APBB1: variants seen among roughly 807,000 people sequenced by gnomAD.
The protein encoded by APBB1 is adaptor protein FE65a2.
In APBB1, 22 loss-of-function variants were observed where a neutral mutation model predicts 78.4. The observed-to-expected ratio is 0.28, with a 90% CI of 0.20 to 0.40. APBB1 has a LOEUF of 0.40. Ranked by LOEUF, APBB1 falls within the 10% of genes least tolerant of loss-of-function variation. The pLI, the probability that APBB1 is intolerant of heterozygous loss-of-function variation, is 1.00. For missense variants in APBB1, 749 were observed against 932.4 expected, an observed-to-expected ratio of 0.80 and a Z score of 2.56; for synonymous variants, 369 against 372.7, an observed-to-expected ratio of 0.99 and a Z score of 0.12.
Position 6,411,398 on chromosome 11 carries a change from G to A in APBB1, c.-14-37C>T, listed in dbSNP as rs775577048. On this transcript the variant is annotated intron_variant, in intron 1 of 14. Transcript: ENST00000609360. This position sits in a 1 kb window ranked among gnomAD's most constrained non-coding sequence, Gnocchi z 5.2. ...GGAGGGGAGATGCTGTTGAGCCTCT[G>A]GTCCAGAACAGCAGCATCACTGCTT... 22 of 1,496,428 alleles carry A rather than the reference G, an allele frequency of 1.5e-5. 1 individual carries two copies. The South Asian group carries it at 2.8e-4, about 19-fold the overall frequency. 92.7% of individuals were successfully genotyped at this position (1,496,428 alleles called of 1,614,324 possible). A position where few individuals can be genotyped will look rare whatever the true frequency, so the allele number is the denominator to read the frequency against.
Position 6,401,626 on chromosome 11 carries a change from C to T in APBB1, c.1451G>A (p.Cys484Tyr). Residue 484 changes from cysteine (C) to tyrosine (Y), a missense_variant, in exon 10 of 15, where the codon TGT becomes TAT. Cys to Tyr is a radical substitution (Grantham distance 194, BLOSUM62 -2). Coordinates refer to ENST00000609360, the MANE Select transcript of APBB1 (RefSeq NM_001164.5). This position sits in a 1 kb window ranked among gnomAD's most constrained non-coding sequence, Gnocchi z 4.5. Reference protein sequence around the residue: ...TQMLKCHVFRCEAPAKNIATS... With the variant: ...TQMLKCHVFRYEAPAKNIATS... ...GGCGATGTTCTTGGCAGGTGCCTCA[C>T]AGCGAAACACGTGGCACTTGAGCAT... 1.2e-6 allele frequency: 2 copies of T among 1,614,218 alleles called. No individual in the cohort carries two copies. The highest frequency in any genetic ancestry group is 1.7e-6 in the Non-Finnish European group (2 of 1,180,048).
At chr11:6,404,677 C>A (rs1250648602) in intron 2 of APBB1, 13 of 1,535,974 alleles carry the variant, frequency 8.5e-6, no homozygotes, top group South Asian at 1.2e-5. Context: ...CCCGCTCATG[C>A]GTCCTCTAAC....
rs756820184 is a variant in APBB1 at position 6,411,021 on chromosome 11, G to A, written c.327C>T (p.Gly109=). 2 of 1,614,142 alleles carry A rather than the reference G, an allele frequency of 1.2e-6. No individual in the cohort carries two copies. The highest frequency in any genetic ancestry group is 1.7e-6 in the Non-Finnish European group (2 of 1,180,040). ...AGTACAGGTGTATCAGGCCTTTGGG[G>A]CCCAAGGGTGCCATCTCAGGCTCCT... ...ASQEPEMAPL[G]PKGLIHLYSE... is the part of the protein sequence containing the mutation. The change falls in exon 2 of 15, where the codon GGC becomes GGT. Residue 109 remains glycine (G), a synonymous_variant. Coordinates refer to ENST00000609360, the MANE Select transcript of APBB1 (RefSeq NM_001164.5). This position sits in a 1 kb window ranked among gnomAD's most constrained non-coding sequence, Gnocchi z 5.2.
rs115799871 is a variant in APBB1 at position 6,410,004 on chromosome 11, T to C, written c.721+623A>G. Among the ~76,000 whole-genome samples the C allele has an allele frequency of 6.5e-3, 980 of 151,056 alleles. 12 individuals are homozygous for C. The highest frequency in any genetic ancestry group is 0.023 in the African/African-American group (926 of 41,130). ...CCCAGTCTTTCCAAACAGACCTCTG[T>C]GGGGAGCTGCTGGCTGCTCCCAACA... On this transcript the variant is annotated intron_variant, in intron 2 of 14. Coordinates refer to ENST00000609360, the MANE Select transcript of APBB1 (RefSeq NM_001164.5).
chr11:6,414,201 A>G (rs1258596539), intron 1 of APBB1, among the ~76,000 whole-genome samples: 4 of 151,898 alleles, frequency 2.6e-5, no homozygotes, highest in Admixed American at 6.6e-5. Flanking sequence ...CATGTCGCAC[A>G]CTCTTAAAGC....
chr11:6,415,462 A>T (rs1849096017), intron 1 of APBB1, among the ~76,000 whole-genome samples: 1 of 152,220 alleles, frequency 6.6e-6, no homozygotes, highest in Admixed American at 6.5e-5. Context: ...ACTTGTTACA[A>T]TGCAGTGTAA....
Position 6,401,666 on chromosome 11 carries a change from C to T in APBB1, c.1411G>A (p.Asp471Asn), listed in dbSNP as rs1194048316. ...CACTTGAGCATCTGGGTCAGCTTAT[C>T]ACGAGCTACGTAGGCAAAGTCCCTG... ...RERDFAYVAR[D>N]KLTQMLKCHV... is the part of the protein sequence containing the mutation. Residue 471 changes from aspartate to asparagine, a missense_variant, in exon 10 of 15, where the codon GAT becomes AAT. Physicochemically the swap from Asp to Asn is conservative, Grantham distance 23. Coordinates refer to ENST00000609360, the MANE Select transcript of APBB1 (RefSeq NM_001164.5). The surrounding 1 kb of genome is among the most constrained non-coding windows in gnomAD (Gnocchi z 4.5). 3 of 1,614,054 alleles carry T rather than the reference C, an allele frequency of 1.9e-6. No individual in the cohort carries two copies.
At chr11:6,413,587 G>C (rs957355049) in intron 1 of APBB1, among the ~76,000 whole-genome samples, 3 of 151,950 alleles carry the variant, frequency 2.0e-5, no homozygotes, top group East Asian at 1.9e-4. Flanking sequence ...TGAGTAGCTG[G>C]GATTATAGGT....
rs1441731731 is a variant in APBB1 at position 6,397,547 on chromosome 11, AG to A, written c.1673-1333del. ...CCTTGAGAGACACAGACTGCAACTG[AG>A]GGAAAAGCCTCTGTCTTGAGTGCCC... On this transcript the variant is annotated intron_variant, in intron 12 of 14. Transcript: ENST00000609360. Among the ~76,000 whole-genome samples the A allele has an allele frequency of 2.6e-5, 4 of 152,338 alleles. No homozygotes were observed. In the East Asian group the frequency reaches 7.7e-4, roughly 29 times the overall value.
In APBB1 at chr11:6,401,894, G is replaced by A; in HGVS notation, c.1388+83C>T. 1 of 1,538,316 alleles carries A rather than the reference G, an allele frequency of 6.5e-7. No individual in the cohort carries two copies. Among genetic ancestry groups the A allele is most frequent in the Non-Finnish European group, 8.8e-7 (1 of 1,139,680 alleles). On this transcript the variant is annotated intron_variant, in intron 9 of 14. Coordinates refer to ENST00000609360, the MANE Select transcript of APBB1 (RefSeq NM_001164.5). This position sits in a 1 kb window ranked among gnomAD's most constrained non-coding sequence, Gnocchi z 4.5. ...GGGTAATGGTGGAGCATAGCGGGTG[G>A]GAAGGGGCAGGGCAGAAGAGGGGAG...
chr11:6,415,245 G>T lies in APBB1; in HGVS notation c.-15+3740C>A, dbSNP rs925562834. 4.6e-5 allele frequency among the ~76,000 whole-genome samples: 7 copies of T among 152,244 alleles called. No individual in the cohort carries two copies. In the South Asian group the frequency reaches 1.0e-3, roughly 23 times the overall value. On this transcript the variant is annotated intron_variant, in intron 1 of 14. Transcript: ENST00000609360. ...TTGGGCAGGGGCCTCGGGGCAGGAA[G>T]TGAAAGAAGTAGTCACTAAGCCTGA... is the stretch of plus-strand genomic sequence containing the variant.
At chr11:6,398,779 C>T (rs181937373) in intron 12 of APBB1, among the ~76,000 whole-genome samples, 54 of 152,334 alleles carry the variant, frequency 3.5e-4, no homozygotes, top group Admixed American at 1.3e-3. Context: ...TTCAAAACCT[C>T]AGTTCAATCC....
chr11:6,416,844 C>T lies in APBB1; in HGVS notation c.-15+2141G>A, dbSNP rs183670218. On this transcript the variant is annotated intron_variant, in intron 1 of 14. Coordinates refer to ENST00000609360, the MANE Select transcript of APBB1 (RefSeq NM_001164.5). The stretch of plus-strand genomic sequence containing the variant: ...GCAACCTCTGCCTCCCGGGTTCAAG[C>T]GATTCTTCTGCCTCAGCCTCCTGAG... Among the ~76,000 whole-genome samples the T allele has an allele frequency of 9.1e-4, 139 of 151,990 alleles. 2 individuals carry two copies. The East Asian group carries it at 0.021, about 23-fold the overall frequency.
chr11:6,409,016 T>C (rs1346080570), intron 2 of APBB1, among the ~76,000 whole-genome samples: 1 of 152,100 alleles, frequency 6.6e-6, no homozygotes, highest in Non-Finnish European at 1.5e-5. Flanking sequence ...ACAATAATGA[T>C]ATTGTGGTGG....
chr11:6,413,890 C>T (rs1327471662), intron 1 of APBB1, among the ~76,000 whole-genome samples: 2 of 152,174 alleles, frequency 1.3e-5, no homozygotes, highest in Admixed American at 6.5e-5. Context: ...TGTTGATCTG[C>T]TCAGTGTGAC....
rs1359107865 is a variant in APBB1 at position 6,402,194 on chromosome 11, G to A, written c.1270C>T (p.Leu424=). The change falls in exon 8 of 15, where the codon CTG becomes TTG. Residue 424 remains leucine (L), a synonymous_variant. Coordinates refer to ENST00000609360, the MANE Select transcript of APBB1 (RefSeq NM_001164.5). ...GGWGEGKDLL[L]QLEDETLKLV... ...TTTAGTGTCTCATCCTCCAGCTGCA[G>A]TAGCAGATCCTTTCCCTGCAGGACC... is the stretch of plus-strand genomic sequence containing the variant. 1 of 1,613,732 alleles carries A rather than the reference G, an allele frequency of 6.2e-7. No homozygotes were observed. Among genetic ancestry groups the A allele is most frequent in the African/African-American group, 1.3e-5 (1 of 74,914 alleles).
chr11:6,419,127 G>A, upstream of APBB1: 1 of 366,826 alleles, frequency 2.7e-6, no homozygotes, highest in Non-Finnish European at 4.9e-6. Flanking sequence ...GGAGGCGCGC[G>A]CAAGGGGAGG....
At chr11:6,396,047 C>A (rs1201708515) in intron 13 of APBB1, 53 bp downstream of exon 13, 1 of 1,599,506 alleles carries the variant, frequency 6.3e-7, no homozygotes, top group East Asian at 2.2e-5. Flanking sequence ...CCCTCACCCC[C>A]AGTCTCCCCT....
At chr11:6,404,500 G>T in intron 2 of APBB1, 1 of 1,334,900 alleles carries the variant, frequency 7.5e-7, no homozygotes, top group South Asian at 1.4e-5. Flanking sequence ...TCAGACACAC[G>T]GCACACGTCA....
Sources: allele counts gnomAD v4.1 joint callset (sites outside exome capture counted in the v4.1 genomes callset), GRCh38; gene constraint gnomAD v4.1.1; non-coding constraint Gnocchi (gnomAD v3.1); transcripts MANE v1.5; gene names NCBI Gene and HGNC (gene_info 2026-07-23, HGNC 2026-07-21).